Variants in DACH2 observed in about 807,000 individuals in gnomAD.
The protein encoded by DACH2 is dachshund homolog 2.
In DACH2, 17 loss-of-function variants were observed where a neutral mutation model predicts 35.8. The ratio of observed to expected loss-of-function variants is 0.48; its 90% CI spans 0.33 to 0.71. The LOEUF (loss-of-function observed/expected upper bound fraction) is 0.71, where lower values mean the gene tolerates loss of function less well. DACH2 is among the 30% of genes least tolerant of loss of function. DACH2 has a pLI of 0.02. For missense variants in DACH2, 469 were observed against 472.7 expected, an observed-to-expected ratio of 0.99 and a Z score of 0.07; for synonymous variants, 195 against 177.3, an observed-to-expected ratio of 1.10 and a Z score of -0.79.
intron 1 of DACH2, among the ~76,000 whole-genome samples, chrX:86,180,176 G>GTATATATATATATATATA (rs72366047): frequency 0.034 from 1,449 of 42,761 alleles, 177 homozygotes; most frequent in Non-Finnish European, 0.05. Context: ...ATGCTAAACC[G>GTATATATATATATATATA]TATATATATA....
At position 86,667,083 on chromosome X, in the gene DACH2, T is replaced by TAAA. The variant is rs66948603; in HGVS notation, c.772+15937_772+15939dup. Among the ~76,000 whole-genome samples the TAAA allele has an allele frequency of 7.2e-4, 40 of 55,723 alleles. 1 individual carries two copies. The highest frequency in any genetic ancestry group is 2.7e-3 in the African/African-American group (35 of 12,819). 48.4% of individuals were successfully genotyped at this position (55,723 alleles called of 115,157 possible). On this transcript the variant is annotated intron_variant, in intron 4 of 11. Coordinates refer to ENST00000373125, the MANE Select transcript of DACH2 (RefSeq NM_053281.3). The stretch of plus-strand genomic sequence containing the variant: ...CAACACAGAGAAACCCCATCTCTAC[T>TAAA]AAAAAAAAAAAAAAAAAAAAAAATT...
chrX:86,421,301 T>A (rs949687993), intron 2 of DACH2, among the ~76,000 whole-genome samples: 2 of 111,747 alleles, frequency 1.8e-5, no homozygotes, highest in Admixed American at 9.5e-5. Flanking sequence ...TAATGAGTGG[T>A]TTAACTCATG....
chrX:86,388,135 A>C (rs2036148338), intron 2 of DACH2, among the ~76,000 whole-genome samples: 1 of 111,960 alleles, frequency 8.9e-6, no homozygotes, highest in Non-Finnish European at 1.9e-5. Context: ...GAAGAGGAGC[A>C]CCTGTGAGCA....
intron 11 of DACH2, 40 bp from the exon 12 acceptor site, chrX:86,832,066 G>T: frequency 1.0e-6 from 1 of 968,487 alleles, no homozygotes; most frequent in Non-Finnish European, 1.5e-6. Flanking sequence ...GTATCAGAAT[G>T]ACTCTTCATA....
At chrX:86,205,462 CTCCCTCCTTCCCTCCT>C (rs752447824) in intron 1 of DACH2, among the ~76,000 whole-genome samples, 5 of 46,848 alleles carry the variant, frequency 1.1e-4, no homozygotes, top group African/African-American at 8.1e-4. Flanking sequence ...CCCTCCCTCC[CTCCCTCCTTCCCTCCT>C]TCCCTCCTTC....
Position 86,217,229 on chromosome X carries a change from T to C in DACH2, c.488+68121T>C, listed in dbSNP as rs78828252. ...AAGAAGCATAGAAAGGAACAGAAAG[T>C]ACAGAAAAAGTAAAAATGAAATAAA... is the stretch of plus-strand genomic sequence containing the variant. On this transcript the variant is annotated intron_variant, in intron 1 of 11. Transcript: ENST00000373125. Among the ~76,000 whole-genome samples the C allele has an allele frequency of 2.7e-5, 3 of 110,780 alleles. No homozygotes were observed. The Admixed American group carries it at 2.9e-4, about 11-fold the overall frequency.
At chrX:86,735,350 T>C (rs993005266) in intron 6 of DACH2, among the ~76,000 whole-genome samples, 5 of 111,777 alleles carry the variant, frequency 4.5e-5, no homozygotes, top group African/African-American at 1.6e-4. Flanking sequence ...TTAAGCCAAA[T>C]TGACTGTGTT....
intron 7 of DACH2, among the ~76,000 whole-genome samples, chrX:86,778,599 C>T (rs1182858383): frequency 1.8e-5 from 2 of 111,107 alleles, no homozygotes; most frequent in Non-Finnish European, 3.8e-5. Flanking sequence ...GAAACTAGAA[C>T]CTTAATAATA....
chrX:86,486,441 T>G (rs907749303), intron 2 of DACH2, among the ~76,000 whole-genome samples: 1 of 111,316 alleles, frequency 9.0e-6, no homozygotes, highest in African/African-American at 3.3e-5. Flanking sequence ...ACTTGAAAAT[T>G]ACATCTAGTG....
intron 1 of DACH2, among the ~76,000 whole-genome samples, chrX:86,238,845 T>A (rs980326483): frequency 1.8e-5 from 2 of 111,526 alleles, no homozygotes; most frequent in Non-Finnish European, 3.8e-5. Flanking sequence ...AATTTTATAT[T>A]AAAATTCAAT....
At chrX:86,497,819 C>A (rs994677193) in intron 2 of DACH2, among the ~76,000 whole-genome samples, 1 of 110,591 alleles carries the variant, frequency 9.0e-6, no homozygotes, top group Non-Finnish European at 1.9e-5. Flanking sequence ...CATGGCAAAA[C>A]CCCATCTCTA....
At chrX:86,219,758 CA>C (rs1346017341) in intron 1 of DACH2, among the ~76,000 whole-genome samples, 1 of 110,220 alleles carries the variant, frequency 9.1e-6, no homozygotes, top group Non-Finnish European at 1.9e-5. Context: ...AATAGTTACA[CA>C]AAAACTGCAC....
chrX:86,430,334 T>C (rs934580499), intron 2 of DACH2, among the ~76,000 whole-genome samples: 35 of 112,226 alleles, frequency 3.1e-4, no homozygotes, highest in African/African-American at 1.0e-3. Flanking sequence ...AAAGATAGTA[T>C]GGAAAATGTT....
At chrX:86,541,108 G>A (rs998442545) in intron 3 of DACH2, among the ~76,000 whole-genome samples, 12 of 111,978 alleles carry the variant, frequency 1.1e-4, no homozygotes, top group African/African-American at 3.9e-4. Context: ...ACATTCGTGT[G>A]CAAAGCAGAT....
chrX:86,529,332 A>C (rs1261946166), intron 3 of DACH2, among the ~76,000 whole-genome samples: 1 of 110,163 alleles, frequency 9.1e-6, no homozygotes, highest in Non-Finnish European at 1.9e-5. Context: ...GGTGTGAGCC[A>C]CTGCACCTGG....
chrX:86,205,254 A>G (rs1473784347), intron 1 of DACH2, among the ~76,000 whole-genome samples: 1 of 111,305 alleles, frequency 9.0e-6, no homozygotes, highest in African/African-American at 3.3e-5. Flanking sequence ...TTCCACTTCT[A>G]TAAAGTATAT....
intron 1 of DACH2, among the ~76,000 whole-genome samples, chrX:86,325,498 A>C (rs1239265808): frequency 8.9e-6 from 1 of 112,418 alleles, no homozygotes; most frequent in Non-Finnish European, 1.9e-5. Flanking sequence ...GGATTGAATT[A>C]AGTTTTGGTC....
intron 4 of DACH2, among the ~76,000 whole-genome samples, chrX:86,668,049 A>G (rs1333486162): frequency 8.9e-6 from 1 of 112,288 alleles, no homozygotes; most frequent in African/African-American, 3.2e-5. Flanking sequence ...GAACCACTTT[A>G]CTTGGTTTAT....
At chrX:86,271,962 T>C (rs760466796) in intron 1 of DACH2, among the ~76,000 whole-genome samples, 23 of 111,142 alleles carry the variant, frequency 2.1e-4, no homozygotes, top group Non-Finnish European at 3.8e-4. Context: ...CATTAAGTAA[T>C]TTCTCATCCC....
Sources: allele counts gnomAD v4.1 joint callset (sites outside exome capture counted in the v4.1 genomes callset), GRCh38; gene constraint gnomAD v4.1.1; transcripts MANE v1.5; gene names NCBI Gene and HGNC (gene_info 2026-07-23, HGNC 2026-07-21).